Variants in ADGRV1 observed in about 807,000 individuals in gnomAD.
The protein encoded by ADGRV1 is G-protein coupled receptor 98.
ADGRV1 carries 359 observed loss-of-function variants against 596.2 expected under a neutral mutation model. The ratio of observed to expected loss-of-function variants is 0.60; its 90% confidence interval spans 0.55 to 0.66. The LOEUF (loss-of-function observed/expected upper bound fraction) is 0.66. Ranked by LOEUF, ADGRV1 falls within the 30% of genes least tolerant of loss-of-function variation. The pLI, the probability that ADGRV1 is intolerant of heterozygous loss-of-function variation, is 0.00. For synonymous variants in ADGRV1, 2,681 were observed against 2,679.2 expected, an observed-to-expected ratio of 1.00 and a Z score of -0.02; for missense variants, 7,274 against 7,575.6, an observed-to-expected ratio of 0.96 and a Z score of 1.48.
intron 70 of ADGRV1, among the ~76,000 whole-genome samples, chr5:90,795,169 G>A (rs972943236): frequency 1.3e-5 from 2 of 151,260 alleles, no homozygotes; most frequent in Non-Finnish European, 1.5e-5. Flanking sequence ...CCCCTGGAGA[G>A]GGGGCTGAAG....
chr5:90,916,472 T>G (rs1284532162), intron 83 of ADGRV1, among the ~76,000 whole-genome samples: 1 of 152,118 alleles, frequency 6.6e-6, no homozygotes, highest in African/African-American at 2.4e-5. Flanking sequence ...CATTGAATTT[T>G]TAGGAGCTCT....
chr5:90,643,979 T>G lies in ADGRV1; in HGVS notation c.2730T>G (p.Tyr910Ter). 6.3e-7 allele frequency: 1 copy of G among 1,578,744 alleles called. No individual in the cohort carries two copies. Among genetic ancestry groups the G allele is most frequent in the Non-Finnish European group, 8.7e-7 (1 of 1,155,840 alleles). The change falls in exon 14 of 90, where the codon TAT becomes TAG. Residue 910 changes from tyrosine to a stop codon, truncating the protein, a stop_gained. Transcript: ENST00000405460. LOFTEE classifies it high-confidence loss of function. ...ATGAAAGCAAAGGAGATGCTATCTA[T>G]AGTGGTAATTTATTCTGTGTCTTAT... ...MINESKGDAI[Y>*]SAVYDVVRNR...
Position 91,060,382 on chromosome 5 carries a change from A to G in ADGRV1, c.18153-12065A>G, listed in dbSNP as rs531675250. Among the ~76,000 whole-genome samples, 412 of 46,574 alleles carry G rather than the reference A, an allele frequency of 8.8e-3. 5 individuals carry two copies. Among genetic ancestry groups the G allele is most frequent in the Admixed American group, 0.043 (203 of 4,694 alleles). 30.6% of individuals were successfully genotyped at this position (46,574 alleles called of 152,430 possible). A position where few individuals can be genotyped will look rare whatever the true frequency, so the allele number is the denominator to read the frequency against. On this transcript the variant is annotated intron_variant, in intron 85 of 89. Transcript: ENST00000405460. ...GGCAATTTTATATGTGTGTGTGTAT[A>G]TATATATATATATATATTTTTTTTT...
At chr5:91,007,563 G>A (rs1379550221) in intron 85 of ADGRV1, among the ~76,000 whole-genome samples, 1 of 152,012 alleles carries the variant, frequency 6.6e-6, no homozygotes, top group Admixed American at 6.6e-5. Flanking sequence ...TGTTTTTCTT[G>A]ATAATATTGA....
chr5:91,125,103 G>C (rs562094582), intron 87 of ADGRV1, among the ~76,000 whole-genome samples: 5 of 152,280 alleles, frequency 3.3e-5, no homozygotes, highest in African/African-American at 1.2e-4. Context: ...CTGCAGTAAA[G>C]CCAGCAGAGT....
intron 83 of ADGRV1, among the ~76,000 whole-genome samples, chr5:90,908,946 T>A (rs76007790): frequency 6.6e-6 from 1 of 152,062 alleles, no homozygotes; most frequent in African/African-American, 2.4e-5. Flanking sequence ...AGGGAGGAAG[T>A]AGGATTTTAG....
At chr5:90,994,765 A>G (rs1425200819) in intron 85 of ADGRV1, among the ~76,000 whole-genome samples, 1 of 152,152 alleles carries the variant, frequency 6.6e-6, no homozygotes, top group Middle Eastern at 3.2e-3. Context: ...TTAATTTCGT[A>G]TATCTATATT....
At chr5:90,939,049 A>G (rs1319245749) in intron 83 of ADGRV1, among the ~76,000 whole-genome samples, 1 of 152,226 alleles carries the variant, frequency 6.6e-6, no homozygotes, top group Non-Finnish European at 1.5e-5. Context: ...TAAAATAAGC[A>G]CAGGAGAAGA....
intron 34 of ADGRV1, among the ~76,000 whole-genome samples, chr5:90,700,332 A>G (rs928433691): frequency 1.6e-4 from 25 of 152,182 alleles, no homozygotes; most frequent in Non-Finnish European, 5.9e-5. Context: ...ACTATGCTGA[A>G]CTTCTGGCTC....
chr5:90,854,004 A>G (rs1766784841), intron 80 of ADGRV1, 58 bp from the exon 81 acceptor site: 2 of 1,262,186 alleles, frequency 1.6e-6, no homozygotes, highest in Admixed American at 4.0e-5. Context: ...AGGGTAAGAG[A>G]CTCAGTCATT....
chr5:91,052,010 G>T (rs563550943), intron 85 of ADGRV1, among the ~76,000 whole-genome samples: 1 of 152,184 alleles, frequency 6.6e-6, no homozygotes, highest in South Asian at 2.1e-4. Flanking sequence ...GACTTTATTT[G>T]ATCTGTATTT....
chr5:91,153,371 G>C lies in ADGRV1; in HGVS notation c.18775G>C (p.Asp6259His). The stretch of plus-strand genomic sequence containing the variant: ...AGCCGATGAGGAGTCCCAGGAGTTT[G>C]ATGATTTAATATTTGCATTAAAAAC... Reference protein sequence around the residue: ...LIADEESQEFDDLIFALKTGA... With the variant: ...LIADEESQEFHDLIFALKTGA... Residue 6259 changes from aspartate (D) to histidine (H), a missense_variant, in exon 89 of 90, where the codon GAT (aspartate) becomes CAT (histidine). Asp to His is a moderately conservative substitution (Grantham distance 81). Transcript: ENST00000405460. 6.2e-7 allele frequency: 1 copy of C among 1,607,890 alleles called. No homozygotes were observed. Among genetic ancestry groups the C allele is most frequent in the Non-Finnish European group, 8.5e-7 (1 of 1,176,886 alleles).
At chr5:90,565,472 A>T (rs1755524081) in intron 1 of ADGRV1, among the ~76,000 whole-genome samples, 1 of 152,204 alleles carries the variant, frequency 6.6e-6, no homozygotes. Context: ...ACTTAGCATG[A>T]TGTTTTAAAG....
At chr5:91,052,845 A>G (rs1387076187) in intron 85 of ADGRV1, among the ~76,000 whole-genome samples, 1 of 152,206 alleles carries the variant, frequency 6.6e-6, no homozygotes, top group Non-Finnish European at 1.5e-5. Flanking sequence ...TTAGATTAAA[A>G]AAGTCAGGGA....
At chr5:90,739,852 G>A (rs1753734052) in intron 50 of ADGRV1, among the ~76,000 whole-genome samples, 1 of 152,158 alleles carries the variant, frequency 6.6e-6, no homozygotes, top group South Asian at 2.1e-4. Flanking sequence ...CCATACTAGG[G>A]TAACCTTAAG....
Position 90,763,355 on chromosome 5 carries a change from A to G in ADGRV1, c.12171A>G (p.Thr4057=), listed in dbSNP as rs1756720231. ...LSSDDPDSYV[T]LTVVRSPGGK... is the part of the protein sequence containing the mutation. The stretch of plus-strand genomic sequence containing the variant: ...CCGATGACCCTGATTCATATGTGAC[A>G]TTGACGGTTGTCCGGTCCCCAGGAG... Residue 4057 remains threonine, a synonymous_variant, in exon 59 of 90, where the codon ACA becomes ACG. Coordinates refer to ENST00000405460, the MANE Select transcript of ADGRV1 (RefSeq NM_032119.4). 6 of 1,612,144 alleles carry G rather than the reference A, an allele frequency of 3.7e-6. No individual in the cohort carries two copies. The highest frequency in any genetic ancestry group is 1.6e-4 in the Middle Eastern group (1 of 6,080).
Position 90,609,949 on chromosome 5 carries a change from C to T in ADGRV1, c.23-4886C>T, listed in dbSNP as rs112182427. On this transcript the variant is annotated intron_variant, in intron 1 of 89. Coordinates refer to ENST00000405460, the MANE Select transcript of ADGRV1 (RefSeq NM_032119.4). ...GGAAGGTTTTATTTTTAATCGAAGTCGATTAATGCAAAATTAATTGAATTA... is the reference window on the plus strand; with the variant it reads ...GGAAGGTTTTATTTTTAATCGAAGTTGATTAATGCAAAATTAATTGAATTA... 6.6e-5 allele frequency among the ~76,000 whole-genome samples: 10 copies of T among 151,920 alleles called. 1 individual carries two copies. The highest frequency in any genetic ancestry group is 1.4e-4 in the African/African-American group (6 of 41,492).
At chr5:90,973,651 A>G (rs972929592) in intron 84 of ADGRV1, among the ~76,000 whole-genome samples, 3 of 152,136 alleles carry the variant, frequency 2.0e-5, no homozygotes, top group Admixed American at 2.0e-4. Flanking sequence ...AAATTCAACA[A>G]TTCTTCATGC....
At position 90,683,719 on chromosome 5, in the gene ADGRV1, T is replaced by C; in HGVS notation, c.5798T>C (p.Val1933Ala). The change falls in exon 28 of 90, where the codon GTG becomes GCG. Residue 1933 changes from valine to alanine, a missense_variant. By Grantham distance (64) the Val-to-Ala change is moderately conservative. This residue lies in a region of ADGRV1 where 3,643 missense variants were observed against 3,809.2 expected (regional missense o/e 0.96). Coordinates refer to ENST00000405460, the MANE Select transcript of ADGRV1 (RefSeq NM_032119.4). Reference protein sequence around the residue: ...EIGQTSANITVEILPDEDPEL... With the variant: ...EIGQTSANITAEILPDEDPEL... ...GGGCAGACGAGCGCCAATATCACTGTGGAGATATTGCCTGACGAAGACCCA... is the reference window on the plus strand; with the variant it reads ...GGGCAGACGAGCGCCAATATCACTGCGGAGATATTGCCTGACGAAGACCCA... The C allele has an allele frequency of 6.2e-7, 1 of 1,613,828 alleles. No individual in the cohort carries two copies. The highest frequency in any genetic ancestry group is 8.5e-7 in the Non-Finnish European group (1 of 1,179,808).
Sources: gnomAD v4.1 joint callset for allele counts (sites outside exome capture counted in the v4.1 genomes callset) on GRCh38, gnomAD v4.1.1 for gene constraint, gnomAD v4.1.1 regional missense constraint, MANE v1.5 for transcripts, NCBI Gene and HGNC (gene_info 2026-07-23, HGNC 2026-07-21) for gene names.